Variants in HES3 observed in about 807,000 individuals in gnomAD.
HES3 encodes the protein transcription factor HES-3.
A neutral mutation model predicts 8.0 loss-of-function variants in HES3; 6 were observed. The ratio of observed to expected loss-of-function variants is 0.75; its 90% CI spans 0.41 to 1.49. The LOEUF (loss-of-function observed/expected upper bound fraction) is 1.49, where lower values mean the gene tolerates loss of function less well. Ranked by LOEUF, HES3 falls within the 40% of genes most tolerant of loss-of-function variation. The probability of loss-of-function intolerance (pLI) is 0.01; values close to 1 mark genes in which losing one functional copy is unlikely to be tolerated. For synonymous variants in HES3, 121 were observed against 119.4 expected, an observed-to-expected ratio of 1.01 and a Z score of -0.09; for missense variants, 266 against 260.9, an observed-to-expected ratio of 1.02 and a Z score of -0.13.
In HES3 at chr1:6,245,098, T is replaced by G; in HGVS notation, c.164-12T>G. ...TCCCCTCCCTGTTTCTCGCGTCCGCTCTTCCCCACAGGGCTCTGGCCTGTG... is the reference window on the plus strand; with the variant it reads ...TCCCCTCCCTGTTTCTCGCGTCCGCGCTTCCCCACAGGGCTCTGGCCTGTG... On this transcript the variant is annotated splice_polypyrimidine_tract_variant and intron_variant, in intron 3 of 3. Transcript: ENST00000377898. 3.6e-5 allele frequency: 47 copies of G among 1,289,218 alleles called. No individual in the cohort carries two copies. Among genetic ancestry groups the G allele is most frequent in the Non-Finnish European group, 4.5e-5 (45 of 1,000,784 alleles). 79.9% of individuals were successfully genotyped at this position (1,289,218 alleles called of 1,614,324 possible).
At position 6,245,313 on chromosome 1, in the gene HES3, G is replaced by GCCGT. The variant is rs1461555088; in HGVS notation, c.369_372dup (p.Trp125ArgfsTer61). 4 of 1,506,232 alleles carry GCCGT rather than the reference G, an allele frequency of 2.7e-6. No individual in the cohort carries two copies. The East Asian group carries it at 8.1e-5, about 30-fold the overall frequency. 93.3% of individuals were successfully genotyped at this position (1,506,232 alleles called of 1,614,324 possible). ...CGCGCTGTTCCGCCCTTGCACCCCT[G>GCCGT]CCGTCTGGGCTCCTGCTCCGGCCGC... On this transcript the variant is annotated frameshift_variant, in exon 4 of 4. Coordinates refer to ENST00000377898, the MANE Select transcript of HES3 (RefSeq NM_001024598.4). LOFTEE classifies it low-confidence loss of function (END_TRUNC).
intron 3 of HES3, 56 bp downstream of exon 3, chr1:6,244,685 T>G: frequency 6.8e-7 from 1 of 1,478,208 alleles, no homozygotes; most frequent in Non-Finnish European, 9.4e-7. Context: ...GAGCCAGGGA[T>G]GCACAAGGCC....
At chr1:6,244,682 G>T (rs1355897633) in intron 3 of HES3, 53 bp downstream of exon 3, 2 of 1,490,068 alleles carry the variant, frequency 1.3e-6, no homozygotes, top group Admixed American at 1.8e-5. Flanking sequence ...TCAGAGCCAG[G>T]GATGCACAAG....
chr1:6,244,657 G>C (rs368776596), intron 3 of HES3, 28 bp downstream of exon 3: 48 of 1,593,270 alleles, frequency 3.0e-5, no homozygotes, highest in Admixed American at 8.5e-5. Context: ...AGGGAGGAGG[G>C]GGAGGCTTGT....
Position 6,244,463 on chromosome 1 carries a change from G to A in HES3, c.81+17G>A, listed in dbSNP as rs778521777. On this transcript the variant is annotated intron_variant, in intron 2 of 3. Coordinates refer to ENST00000377898, the MANE Select transcript of HES3 (RefSeq NM_001024598.4). ...TCGCACCAGGTGAGACTCAGGCGGG[G>A]TGGGGGTGGGTGGGTGATACGATCC... 2.5e-6 allele frequency: 4 copies of A among 1,605,384 alleles called. No homozygotes were observed. The highest frequency in any genetic ancestry group is 1.1e-5 in the South Asian group (1 of 90,862).
Position 6,245,371 on chromosome 1 carries a change from T to G in HES3, c.425T>G (p.Leu142Arg). The change falls in exon 4 of 4, where the codon CTC becomes CGC. Residue 142 changes from leucine to arginine, a missense_variant. Transcript: ENST00000377898. The part of the protein sequence containing the change: ...GGPRSPPPLL[L>R]LPESLPGSSA... ...CCGCGGTCCCCACCACCCCTGCTCC[T>G]CCTCCCCGAAAGTCTCCCTGGCTCG... 6.6e-7 allele frequency: 1 copy of G among 1,511,770 alleles called. No homozygotes were observed. 93.6% of individuals were successfully genotyped at this position (1,511,770 alleles called of 1,614,324 possible).
At chr1:6,244,916 C>T (rs1638268543) in intron 3 of HES3, among the ~76,000 whole-genome samples, 194 bp from the exon 4 acceptor site, 1 of 151,834 alleles carries the variant, frequency 6.6e-6, no homozygotes, top group South Asian at 2.1e-4. Context: ...GGGAGACGTT[C>T]GGGTCGTCTG....
rs557635916 is a variant in HES3 at position 6,244,199 on chromosome 1, G to A, written c.-58G>A. On this transcript the variant is annotated 5_prime_UTR_variant, in exon 1 of 4. Transcript: ENST00000377898. The stretch of plus-strand genomic sequence containing the variant: ...GGTGCATGGACTGCAACATGGGCAC[G>A]GAGCCTGCTGCCCGGGGCAGCCTCC... 27 of 639,950 alleles carry A rather than the reference G, an allele frequency of 4.2e-5. No individual in the cohort carries two copies. Among genetic ancestry groups the A allele is most frequent in the South Asian group, 2.2e-4 (12 of 53,398 alleles). 39.6% of individuals were successfully genotyped at this position (639,950 alleles called of 1,614,324 possible). A position where few individuals can be genotyped will look rare whatever the true frequency, so the allele number is the denominator to read the frequency against.
In HES3 at chr1:6,244,181, G is replaced by A. The variant is rs1638250071; in HGVS notation, c.-76G>A. 2 of 620,666 alleles carry A rather than the reference G, an allele frequency of 3.2e-6. No homozygotes were observed. Among genetic ancestry groups the A allele is most frequent in the African/African-American group, 1.8e-5 (1 of 54,172 alleles). The allele number at this position is 620,666 out of a possible 1,614,324, so 38.4% of individuals were successfully genotyped here. ...GCGGCGCTGCCTCGCACTGGTGCAT[G>A]GACTGCAACATGGGCACGGAGCCTG... On this transcript the variant is annotated 5_prime_UTR_variant, in exon 1 of 4. The change abolishes an upstream ATG in the 5' untranslated region. Coordinates refer to ENST00000377898, the MANE Select transcript of HES3 (RefSeq NM_001024598.4).
chr1:6,245,011 T>TCCCCCC, intron 3 of HES3, 99 bp from the exon 4 acceptor site: 2 of 103,060 alleles, frequency 1.9e-5, no homozygotes, highest in Non-Finnish European at 3.6e-5. Flanking sequence ...CCTCCCTTCC[T>TCCCCCC]CCCCTCCCCT....
rs1204005924 is a variant in HES3 at position 6,244,759 on chromosome 1, T to A, written c.163+130T>A. 5 of 814,136 alleles carry A rather than the reference T, an allele frequency of 6.1e-6. No individual in the cohort carries two copies. The Admixed American group carries it at 8.9e-5, about 15-fold the overall frequency. The allele number at this position is 814,136 out of a possible 1,614,324, so 50.4% of individuals were successfully genotyped here. On this transcript the variant is annotated intron_variant, in intron 3 of 3. Coordinates refer to ENST00000377898, the MANE Select transcript of HES3 (RefSeq NM_001024598.4). Reference sequence around the variant, plus strand: ...GCTTTTGAGACCAGCCTGGGCAACATGGCAAGACAGCAAATATAAAGAGGA... The same window carrying A: ...GCTTTTGAGACCAGCCTGGGCAACAAGGCAAGACAGCAAATATAAAGAGGA...
In HES3 at chr1:6,245,171, C is replaced by T. The variant is rs747214461; in HGVS notation, c.225C>T (p.Gly75=). ...CGGGCTTCCGCAGCTGCCTGCCCGG[C>T]GTGAGCCAGCTCCTTCGGCGCGGAG... is the stretch of plus-strand genomic sequence containing the variant. The part of the protein sequence containing the change: ...QPSGFRSCLP[G]VSQLLRRGDE... The change falls in exon 4 of 4, where the codon GGC becomes GGT. Residue 75 remains glycine (G), a synonymous_variant. Coordinates refer to ENST00000377898, the MANE Select transcript of HES3 (RefSeq NM_001024598.4). 2 of 1,526,572 alleles carry T rather than the reference C, an allele frequency of 1.3e-6. No individual in the cohort carries two copies. Among genetic ancestry groups the T allele is most frequent in the Admixed American group, 4.0e-5 (2 of 50,288 alleles). The allele number at this position is 1,526,572 out of a possible 1,614,324, so 94.6% of individuals were successfully genotyped here.
rs781076439 is a variant in HES3 at position 6,244,604 on chromosome 1, G to A, written c.138G>A (p.Met46Ile). ...TCCTGGAGTTGAGCGTGAAGTACAT[G>A]AGAAGCCTTCAGAACTCCTTGCAAG... ...ADILELSVKY[M>I]RSLQNSLQGL... The change falls in exon 3 of 4, where the codon ATG becomes ATA. Residue 46 changes from methionine (M) to isoleucine (I), a missense_variant. Physicochemically the swap from Met to Ile is conservative, Grantham distance 10. Transcript: ENST00000377898. 4 of 1,613,764 alleles carry A rather than the reference G, an allele frequency of 2.5e-6. No individual in the cohort carries two copies. The highest frequency in any genetic ancestry group is 1.3e-5 in the African/African-American group (1 of 74,876).
rs759375225 is a variant in HES3 at position 6,245,501 on chromosome 1, G to A, written c.555G>A (p.Leu185=). The A allele has an allele frequency of 1.3e-6, 2 of 1,495,644 alleles. No individual in the cohort carries two copies. Among genetic ancestry groups the A allele is most frequent in the Middle Eastern group, 1.8e-4 (1 of 5,668 alleles). 92.6% of individuals were successfully genotyped at this position (1,495,644 alleles called of 1,614,324 possible). A position where few individuals can be genotyped will look rare whatever the true frequency, so the allele number is the denominator to read the frequency against. ...CCTGGGGAAGCCCCGGGGATGACCT[G>A]AACTGAAGGCGCTCCCTATTTGGTC... ...WRPWGSPGDD[L]N Residue 185 remains leucine, a synonymous_variant, in exon 4 of 4, where the codon CTG becomes CTA. Coordinates refer to ENST00000377898, the MANE Select transcript of HES3 (RefSeq NM_001024598.4).
chr1:6,244,281 C>A, intron 1 of HES3, 40 bp downstream of exon 1: 1 of 1,301,742 alleles, frequency 7.7e-7, no homozygotes. Context: ...CACCCTTCCC[C>A]GGGAGGTGTG....
chr1:6,245,096 G>A lies in HES3; in HGVS notation c.164-14G>A, dbSNP rs756921063. 44 of 1,330,826 alleles carry A rather than the reference G, an allele frequency of 3.3e-5. No homozygotes were observed. The South Asian group carries it at 5.5e-4, about 17-fold the overall frequency. 82.4% of individuals were successfully genotyped at this position (1,330,826 alleles called of 1,614,324 possible). A position where few individuals can be genotyped will look rare whatever the true frequency, so the allele number is the denominator to read the frequency against. On this transcript the variant is annotated splice_polypyrimidine_tract_variant and intron_variant, in intron 3 of 3. Transcript: ENST00000377898. ...CTTCCCCTCCCTGTTTCTCGCGTCC[G>A]CTCTTCCCCACAGGGCTCTGGCCTG...
rs372499164 is a variant in HES3, at chr1:6,245,463, C to A, written c.517C>A (p.Arg173Ser). 3.3e-6 allele frequency: 5 copies of A among 1,524,694 alleles called. No homozygotes were observed. The African/African-American group carries it at 5.8e-5, about 18-fold the overall frequency. 94.4% of individuals were successfully genotyped at this position (1,524,694 alleles called of 1,614,324 possible). ...RCAESPGLGLRVWRPWGSPGD... is the reference protein window; with the variant it reads ...RCAESPGLGLSVWRPWGSPGD... The stretch of plus-strand genomic sequence containing the variant: ...CGCCGAGAGTCCCGGGCTGGGCCTG[C>A]GCGTGTGGCGGCCCTGGGGAAGCCC... Residue 173 changes from arginine (R) to serine (S), a missense_variant, in exon 4 of 4, where the codon CGC (arginine) becomes AGC (serine). By Grantham distance (110) the Arg-to-Ser change is moderately radical (BLOSUM62 -1). Coordinates refer to ENST00000377898, the MANE Select transcript of HES3 (RefSeq NM_001024598.4).
At position 6,244,426 on chromosome 1, in the gene HES3, G is replaced by A; in HGVS notation, c.61G>A (p.Glu21Lys). The change falls in exon 2 of 4, where the codon GAG becomes AAG. Residue 21 changes from glutamate to lysine, a missense_variant. Transcript: ENST00000377898. ...VSLEQLKSLL[E>K]KHYSHQIRKR... ...ACTGGAGCAGCTCAAGTCGCTGCTG[G>A]AGAAACACTACTCGCACCAGGTGAG... 1 of 1,415,908 alleles carries A rather than the reference G, an allele frequency of 7.1e-7. No homozygotes were observed. The highest frequency in any genetic ancestry group is 9.5e-7 in the Non-Finnish European group (1 of 1,053,740). 87.7% of individuals were successfully genotyped at this position (1,415,908 alleles called of 1,614,324 possible). A position where few individuals can be genotyped will look rare whatever the true frequency, so the allele number is the denominator to read the frequency against.
At position 6,244,319 on chromosome 1, in the gene HES3, AGTCCTGCACTCTAAAGGCT is replaced by A. The variant is rs1437689651; in HGVS notation, c.-15-29_-15-11del. ...GGGGTGCCGAGGGCAGGAGGGTGGC[AGTCCTGCACTCTAAAGGCT>A]GTTCATCTGCAGATTTCCAAGCCGC... is the stretch of plus-strand genomic sequence containing the variant. On this transcript the variant is annotated splice_polypyrimidine_tract_variant and intron_variant, in intron 1 of 3. Transcript: ENST00000377898. 6.4e-7 allele frequency: 1 copy of A among 1,554,676 alleles called. No homozygotes were observed. The highest frequency in any genetic ancestry group is 1.1e-5 in the South Asian group (1 of 89,856).
Sources: gnomAD v4.1 joint callset for allele counts (sites outside exome capture counted in the v4.1 genomes callset) on GRCh38, gnomAD v4.1.1 for gene constraint, MANE v1.5 for transcripts, NCBI Gene and HGNC (gene_info 2026-07-23, HGNC 2026-07-21) for gene names.